The following SAMMSON variants were observed in gnomAD, a reference collection of about 807,000 sequenced individuals.
The protein encoded by SAMMSON is survival associated mitochondrial melanoma specific oncogenic non-coding RNA, also known as long intergenic non-protein coding RNA 1212.
At chr3:70,192,902 T>C (rs569793216) in intron 4 of SAMMSON, among the ~76,000 whole-genome samples, 5 of 152,310 alleles carry the variant, frequency 3.3e-5, no homozygotes, top group African/African-American at 9.6e-5. Flanking sequence ...AGAAAAATGC[T>C]GTTGACATTT....
chr3:70,183,022 G>T (rs139434210), intron 4 of SAMMSON, among the ~76,000 whole-genome samples: 2,229 of 152,292 alleles, frequency 0.015, 23 homozygotes, highest in Middle Eastern at 0.027. Flanking sequence ...TTAGGGAAAA[G>T]TAGGCATTTG....
At chr3:70,373,333 A>C (rs1702986600) in intron 9 of SAMMSON, among the ~76,000 whole-genome samples, 1 of 152,072 alleles carries the variant, frequency 6.6e-6, no homozygotes, top group African/African-American at 2.4e-5. Context: ...ATTTTTGATG[A>C]TAAATCTGCT....
intron 3 of SAMMSON, among the ~76,000 whole-genome samples, chr3:70,019,535 C>T (rs1286737529): frequency 6.6e-6 from 1 of 152,086 alleles, no homozygotes; most frequent in Non-Finnish European, 1.5e-5. Context: ...ACTCTTTATC[C>T]AATTGGCCAG....
chr3:70,195,512 G>A (rs1225258652), intron 4 of SAMMSON, among the ~76,000 whole-genome samples: 1 of 152,154 alleles, frequency 6.6e-6, no homozygotes, highest in Non-Finnish European at 1.5e-5. Context: ...GGAAAAATGT[G>A]CTAGTTTGCT....
At chr3:70,243,610 T>C (rs1277352557) in intron 4 of SAMMSON, among the ~76,000 whole-genome samples, 1 of 152,212 alleles carries the variant, frequency 6.6e-6, no homozygotes, top group African/African-American at 2.4e-5. Context: ...TGCTGTGCTA[T>C]GCATTCTGGG....
intron 3 of SAMMSON, among the ~76,000 whole-genome samples, chr3:70,021,217 C>T (rs1254532271): frequency 6.6e-6 from 1 of 152,096 alleles, no homozygotes; most frequent in Non-Finnish European, 1.5e-5. Flanking sequence ...AACAGGCCAC[C>T]AAAACACATT....
chr3:70,299,496 A>G (rs1702325461), intron 7 of SAMMSON, among the ~76,000 whole-genome samples: 1 of 152,096 alleles, frequency 6.6e-6, no homozygotes, highest in Non-Finnish European at 1.5e-5. Flanking sequence ...AAAAATTCCC[A>G]TTGAATCCAG....
rs10709397 is a variant in SAMMSON, at chr3:70,107,601, GTT to G, written n.507+36051_507+36052del. On this transcript the variant is annotated intron_variant and non_coding_transcript_variant, in intron 4 of 9. Coordinates refer to ENST00000642114, the Ensembl canonical transcript of SAMMSON. ...TTCTACTTTCCGAATTTCTTCCTTA[GTT>G]TTTTTTTTTTTTTTAATTTGAATTA... Among the ~76,000 whole-genome samples the G allele has an allele frequency of 1.4e-3, 202 of 142,840 alleles. 1 individual carries two copies. The South Asian group carries it at 0.015, about 10-fold the overall frequency. The allele number at this position is 142,840 out of a possible 152,430, so 93.7% of individuals were successfully genotyped here.
chr3:70,134,826 A>G (rs1307570374), intron 4 of SAMMSON, among the ~76,000 whole-genome samples: 1 of 152,106 alleles, frequency 6.6e-6, no homozygotes, highest in Non-Finnish European at 1.5e-5. Context: ...TGTGTCAGTT[A>G]TTTATCTTTC....
intron 2 of SAMMSON, among the ~76,000 whole-genome samples, chr3:70,419,024 T>C (rs1701290113): frequency 6.7e-6 from 1 of 148,336 alleles, no homozygotes; most frequent in Non-Finnish European, 1.5e-5. Flanking sequence ...TTTCCTTCTT[T>C]CTTTCTTTCT....
chr3:70,095,127 G>A (rs901102275), intron 4 of SAMMSON, among the ~76,000 whole-genome samples: 1 of 152,178 alleles, frequency 6.6e-6, no homozygotes, highest in African/African-American at 2.4e-5. Context: ...TTAGAGCAAA[G>A]AATGGAGGTC....
chr3:70,342,929 G>A (rs1347750877), intron 7 of SAMMSON, among the ~76,000 whole-genome samples: 1 of 152,092 alleles, frequency 6.6e-6, no homozygotes, highest in East Asian at 1.9e-4. Flanking sequence ...ATTCAGCATT[G>A]GCAAACATGA....
chr3:70,248,128 CA>C (rs1306955851), intron 4 of SAMMSON, among the ~76,000 whole-genome samples: 2 of 151,948 alleles, frequency 1.3e-5, no homozygotes, highest in South Asian at 2.1e-4. Flanking sequence ...AGTAATGAAC[CA>C]TATTATTCTC....
chr3:70,227,956 T>G (rs1450064596), intron 4 of SAMMSON, among the ~76,000 whole-genome samples: 1 of 151,906 alleles, frequency 6.6e-6, no homozygotes, highest in Non-Finnish European at 1.5e-5. Flanking sequence ...AGGTGAATAG[T>G]ATAACATTCA....
At chr3:70,384,922 G>A (rs1703107695) in intron 9 of SAMMSON, among the ~76,000 whole-genome samples, 2 of 152,056 alleles carry the variant, frequency 1.3e-5, no homozygotes, top group Admixed American at 1.3e-4. Context: ...TACCACTTGA[G>A]ATGTGGTTAA....
chr3:70,400,161 G>A (rs1701128434), intron 2 of SAMMSON, among the ~76,000 whole-genome samples: 2 of 152,078 alleles, frequency 1.3e-5, no homozygotes, highest in Admixed American at 1.3e-4. Context: ...TCAAGAAAAA[G>A]GGGACCAATC....
intron 6 of SAMMSON, among the ~76,000 whole-genome samples, chr3:70,276,659 A>G (rs1036886699): frequency 7.2e-5 from 11 of 152,224 alleles, no homozygotes; most frequent in Non-Finnish European, 1.6e-4. Flanking sequence ...ACTGTGACCC[A>G]TGGTCTACAT....
At chr3:70,209,509 G>C (rs1208545342) in intron 4 of SAMMSON, among the ~76,000 whole-genome samples, 1 of 152,012 alleles carries the variant, frequency 6.6e-6, no homozygotes, top group Non-Finnish European at 1.5e-5. Context: ...TGAACAGATG[G>C]GAAATGTATG....
At chr3:70,247,980 A>G (rs1701724092) in intron 4 of SAMMSON, among the ~76,000 whole-genome samples, 1 of 152,124 alleles carries the variant, frequency 6.6e-6, no homozygotes. Flanking sequence ...TAATGCTACA[A>G]TGATCAAAAT....
Sources: allele counts gnomAD v4.1 joint callset (sites outside exome capture counted in the v4.1 genomes callset), GRCh38; gene constraint gnomAD v4.1.1; transcripts MANE v1.5; gene names NCBI Gene and HGNC (gene_info 2026-07-23, HGNC 2026-07-21).